The following NF1 variants were observed in gnomAD, a reference collection of about 807,000 sequenced individuals.
The protein encoded by NF1 is neurofibromin.
NF1 carries 122 observed loss-of-function variants against 325.7 expected under a neutral mutation model. That is an observed-to-expected ratio of 0.37 (90% CI 0.32 to 0.44). The LOEUF is 0.44. Ranked by LOEUF, NF1 falls within the 20% of genes least tolerant of loss-of-function variation. NF1 has a pLI of 1.00. For synonymous variants in NF1, 1,091 were observed against 1,186.0 expected (o/e 0.92, Z 1.65); for missense variants, 2,140 against 3,415.4 (o/e 0.63, Z 9.31).
At chr17:31,294,048 C>G (rs1237952117) in intron 36 of NF1, among the ~76,000 whole-genome samples, 1 of 152,106 alleles carries the variant, frequency 6.6e-6, no homozygotes, top group East Asian at 1.9e-4. Context: ...CCCTTTCCCT[C>G]TCTCCTTCCT....
At chr17:31,373,774 T>A (rs17879319) in intron 57 of NF1, among the ~76,000 whole-genome samples, 2 of 152,184 alleles carry the variant, frequency 1.3e-5, no homozygotes, top group Non-Finnish European at 2.9e-5. Flanking sequence ...GTACACAATA[T>A]GGTAACCTGC....
intron 11 of NF1, among the ~76,000 whole-genome samples, chr17:31,204,421 A>G (rs2066584773): frequency 6.6e-6 from 1 of 152,066 alleles, no homozygotes; most frequent in Non-Finnish European, 1.5e-5. Flanking sequence ...TAAACATGGT[A>G]TTTTCAAGGA....
intron 39 of NF1, among the ~76,000 whole-genome samples, chr17:31,332,570 C>G (rs1052243544): frequency 2.1e-5 from 1 of 47,002 alleles, no homozygotes; most frequent in African/African-American, 5.2e-5. Context: ...ACATACAGAT[C>G]ATGGTTTTTT....
At chr17:31,306,795 A>G (rs900709559) in intron 36 of NF1, among the ~76,000 whole-genome samples, 6 of 148,096 alleles carry the variant, frequency 4.1e-5, no homozygotes, top group African/African-American at 1.3e-4. Context: ...GGTTTAGGAG[A>G]TTAAAAAAAA....
At chr17:31,335,911 T>C (rs1228259721) in intron 40 of NF1, among the ~76,000 whole-genome samples, 1 of 150,542 alleles carries the variant, frequency 6.6e-6, no homozygotes, top group Non-Finnish European at 1.5e-5. Flanking sequence ...AGGCTGGTCT[T>C]GAACTCCTGG....
chr17:31,207,574 A>T (rs1372593235), intron 12 of NF1, among the ~76,000 whole-genome samples: 1 of 152,190 alleles, frequency 6.6e-6, no homozygotes, highest in Admixed American at 6.5e-5. Flanking sequence ...AGATCATGGC[A>T]ATGATGTTTC....
intron 46 of NF1, among the ~76,000 whole-genome samples, chr17:31,339,012 G>A (rs922539377): frequency 6.6e-6 from 1 of 152,168 alleles, no homozygotes. Flanking sequence ...TCAAGCGCTT[G>A]TAAGTTTTTG....
intron 13 of NF1, among the ~76,000 whole-genome samples, chr17:31,218,616 G>C (rs1157044424): frequency 1.3e-5 from 2 of 150,586 alleles, no homozygotes; most frequent in Admixed American, 6.6e-5. Flanking sequence ...CTGCCACCCA[G>C]GCTGGAGTGC....
chr17:31,350,285 C>T lies in NF1; in HGVS notation c.7424C>T (p.Thr2475Ile), dbSNP rs770532573. The T allele has an allele frequency of 2.5e-6, 4 of 1,612,744 alleles. No homozygotes were observed. The highest frequency in any genetic ancestry group is 4.5e-5 in the East Asian group (2 of 44,842). ...TCAATGGAAAATGTTCCTATGGATA[C>T]ATATCCCATTCATCATGGTGACCCT... ...DISMENVPMD[T>I]YPIHHGDPSY... The change falls in exon 50 of 58, where the codon ACA becomes ATA. Residue 2475 changes from threonine to isoleucine, a missense_variant. Coordinates refer to ENST00000358273, the MANE Select transcript of NF1 (RefSeq NM_001042492.3).
intron 48 of NF1, among the ~76,000 whole-genome samples, chr17:31,344,615 G>T (rs542953556): frequency 6.6e-6 from 1 of 152,366 alleles, no homozygotes; most frequent in South Asian, 2.1e-4. Flanking sequence ...TATTGTGAAT[G>T]TATGCATTTG....
chr17:31,146,684 G>A (rs1231591025), intron 1 of NF1, among the ~76,000 whole-genome samples: 1 of 152,202 alleles, frequency 6.6e-6, no homozygotes, highest in African/African-American at 2.4e-5. Context: ...GGAGCACTGG[G>A]CAAATGCAGT....
chr17:31,095,509 G>T (rs1169732189), intron 1 of NF1, 140 bp downstream of exon 1: 20 of 797,278 alleles, frequency 2.5e-5, no homozygotes, highest in South Asian at 3.6e-5. Context: ...AGAAGGGAAG[G>T]GGGGATAAGT....
chr17:31,294,660 C>T (rs765307981), intron 36 of NF1: 7 of 321,208 alleles, frequency 2.2e-5, no homozygotes, highest in Non-Finnish European at 4.2e-5. Context: ...TGAGCATAGA[C>T]CTTTTATTTT....
At chr17:31,100,202 T>C (rs1324641169) in intron 1 of NF1, among the ~76,000 whole-genome samples, 1 of 152,214 alleles carries the variant, frequency 6.6e-6, no homozygotes, top group East Asian at 1.9e-4. Context: ...TTTGTTGTTC[T>C]CATACATTGA....
intron 48 of NF1, chr17:31,345,427 G>A (rs1312254196): frequency 4.7e-6 from 6 of 1,272,024 alleles, no homozygotes; most frequent in Non-Finnish European, 6.4e-6. Context: ...GAGGGTGCCA[G>A]AGGTAGGGGG....
intron 38 of NF1, 45 bp downstream of exon 38, chr17:31,327,884 C>A (rs1389572272): frequency 1.3e-6 from 2 of 1,548,946 alleles, no homozygotes; most frequent in South Asian, 1.1e-5. Context: ...GGGTTTGTTG[C>A]TTTTAAAATG....
chr17:31,199,150 G>A (rs1406874522), intron 8 of NF1, among the ~76,000 whole-genome samples: 2 of 151,420 alleles, frequency 1.3e-5, no homozygotes, highest in Non-Finnish European at 2.9e-5. Context: ...TCTTTTTCTA[G>A]TTCCTTGAGG....
In NF1 at chr17:31,328,602, C is replaced by T. The variant is rs562372310; in HGVS notation, c.5609+763C>T. Among the ~76,000 whole-genome samples, 61 of 152,180 alleles carry T rather than the reference C, an allele frequency of 4.0e-4. 1 individual carries two copies. The highest frequency in any genetic ancestry group is 1.4e-3 in the African/African-American group (58 of 41,538). On this transcript the variant is annotated intron_variant, in intron 38 of 57. Transcript: ENST00000358273. ...TAAGTAGTATTTTCTTATCTTTTCC[C>T]TCCCTGCCAGCATCTCCTTGCACCC...
rs2151538280 is a variant in NF1 at position 31,326,035 on chromosome 17, C to G, written c.5051C>G (p.Ser1684Cys). The G allele has an allele frequency of 6.2e-7, 1 of 1,614,184 alleles. No individual in the cohort carries two copies. The highest frequency in any genetic ancestry group is 8.5e-7 in the Non-Finnish European group (1 of 1,180,034). Residue 1684 changes from serine to cysteine, a missense_variant, in exon 37 of 58, where the codon TCC becomes TGC. By Grantham distance (112) the Ser-to-Cys change is moderately radical. Around this residue, in one of 10 missense-constraint regions of NF1, gnomAD observed 103 missense variants for 214.6 expected, o/e 0.48. Coordinates refer to ENST00000358273, the MANE Select transcript of NF1 (RefSeq NM_001042492.3). ...VSAVYIYNCN[S>C]WVREYTKYHE... ...GCAGTCTATATCTATAACTGTAACT[C>G]CTGGGTCAGGGAGTACACCAAGTAT... is the stretch of plus-strand genomic sequence containing the variant.
Sources: gnomAD v4.1 joint callset for allele counts (sites outside exome capture counted in the v4.1 genomes callset) on GRCh38, gnomAD v4.1.1 for gene constraint, gnomAD v4.1.1 regional missense constraint, MANE v1.5 for transcripts, NCBI Gene and HGNC (gene_info 2026-07-23, HGNC 2026-07-21) for gene names.